The following SUFU variants were observed in gnomAD, a reference collection of about 807,000 sequenced individuals.
SUFU encodes the protein suppressor of fused homolog.
Under a neutral mutation model 58.9 loss-of-function variants are expected in SUFU, and 7 were observed. The observed-to-expected ratio is 0.12, with a 90% CI of 0.07 to 0.22. The LOEUF (loss-of-function observed/expected upper bound fraction) is 0.22. Among genes scored for constraint, SUFU ranks in the 10% least tolerant of loss-of-function variants. SUFU has a pLI of 1.00. For missense variants in SUFU, 451 were observed against 641.3 expected, an observed-to-expected ratio of 0.70 and a Z score of 3.20; for synonymous variants, 232 against 254.8, an observed-to-expected ratio of 0.91 and a Z score of 0.85.
In SUFU at chr10:102,568,897, A is replaced by AATAT. The variant is rs1208688793; in HGVS notation, c.454+18811_454+18814dup. On this transcript the variant is annotated intron_variant, in intron 3 of 11. Coordinates refer to ENST00000369902, the MANE Select transcript of SUFU (RefSeq NM_016169.4). ...CTCAAAAAAAAAAAAAAAAAAAAAAAATATATATATATATATATATATACA... is the reference window on the plus strand; with the variant it reads ...CTCAAAAAAAAAAAAAAAAAAAAAAAATATATATATATATATATATATATATACA... 7.6e-4 allele frequency among the ~76,000 whole-genome samples: 13 copies of AATAT among 17,036 alleles called. 1 individual carries two copies. Among genetic ancestry groups the AATAT allele is most frequent in the African/African-American group, 3.9e-3 (11 of 2,806 alleles). 11.2% of individuals were successfully genotyped at this position (17,036 alleles called of 152,430 possible). A position where few individuals can be genotyped will look rare whatever the true frequency, so the allele number is the denominator to read the frequency against.
At position 102,627,155 on chromosome 10, in the gene SUFU, C is replaced by T. The variant is rs762353424; in HGVS notation, c.1297-20C>T. The T allele has an allele frequency of 6.2e-7, 1 of 1,613,730 alleles. No individual in the cohort carries two copies. The highest frequency in any genetic ancestry group is 1.1e-5 in the South Asian group (1 of 91,072). On this transcript the variant is annotated intron_variant, in intron 10 of 11. Coordinates refer to ENST00000369902, the MANE Select transcript of SUFU (RefSeq NM_016169.4). ...ATACATTTAAAAATAATAATAAAAGCCTGCCTTGTGCCTTCACAGATTCTG... is the reference window on the plus strand; with the variant it reads ...ATACATTTAAAAATAATAATAAAAGTCTGCCTTGTGCCTTCACAGATTCTG...
At chr10:102,593,600 A>G in intron 4 of SUFU, 36 bp from the exon 5 acceptor site, 1 of 1,611,366 alleles carries the variant, frequency 6.2e-7, no homozygotes, top group African/African-American at 1.3e-5. Flanking sequence ...GGGGGTGGCC[A>G]TTAACACACA....
chr10:102,527,625 A>C (rs945161014), intron 2 of SUFU, among the ~76,000 whole-genome samples: 1 of 152,090 alleles, frequency 6.6e-6, no homozygotes, highest in Non-Finnish European at 1.5e-5. Context: ...ATCTTGTTGA[A>C]TGTCTCGGCT....
chr10:102,515,781 G>C (rs1007001920), intron 2 of SUFU, among the ~76,000 whole-genome samples: 2 of 152,142 alleles, frequency 1.3e-5, no homozygotes, highest in Admixed American at 6.5e-5. Context: ...CCCACCCCTG[G>C]CTAAGTTTAG....
chr10:102,537,167 C>G (rs1300466344), intron 2 of SUFU, among the ~76,000 whole-genome samples: 7 of 122,898 alleles, frequency 5.7e-5, no homozygotes, highest in Non-Finnish European at 9.7e-5. Flanking sequence ...AGGTCTTGCT[C>G]TGTCACTCAG....
At chr10:102,561,294 A>G (rs1040070448) in intron 3 of SUFU, among the ~76,000 whole-genome samples, 2 of 152,224 alleles carry the variant, frequency 1.3e-5, no homozygotes, top group East Asian at 1.9e-4. Context: ...AAATAATACT[A>G]TTGGGGCCAT....
intron 2 of SUFU, among the ~76,000 whole-genome samples, chr10:102,532,279 A>T (rs1023994226): frequency 1.3e-5 from 2 of 152,116 alleles, no homozygotes; most frequent in East Asian, 3.8e-4. Flanking sequence ...TAGAACTTTC[A>T]CTGGCTTAAC....
At position 102,629,991 on chromosome 10, in the gene SUFU, G is replaced by A; in HGVS notation, c.1366-75G>A. Reference sequence around the variant, plus strand: ...TCCCTAGCTCCCCGGGGACAGGCCTGGGCAATCTCTGGAAAGACCACGGTG... The same window carrying A: ...TCCCTAGCTCCCCGGGGACAGGCCTAGGCAATCTCTGGAAAGACCACGGTG... On this transcript the variant is annotated intron_variant, in intron 11 of 11. Transcript: ENST00000369902. This position sits in a 1 kb window ranked among gnomAD's most constrained non-coding sequence, Gnocchi z 4.7. 7.2e-7 allele frequency: 1 copy of A among 1,383,478 alleles called. No homozygotes were observed. Among genetic ancestry groups the A allele is most frequent in the Non-Finnish European group, 1.0e-6 (1 of 969,820 alleles). 85.7% of individuals were successfully genotyped at this position (1,383,478 alleles called of 1,614,324 possible).
At chr10:102,513,463 T>C (rs1408648005) in intron 2 of SUFU, among the ~76,000 whole-genome samples, 1 of 152,256 alleles carries the variant, frequency 6.6e-6, no homozygotes, top group African/African-American at 2.4e-5. Context: ...AACATCGTAA[T>C]AGATGTCTTG....
chr10:102,623,426 C>G (rs2063759309), intron 10 of SUFU, among the ~76,000 whole-genome samples: 1 of 152,228 alleles, frequency 6.6e-6, no homozygotes, highest in Admixed American at 6.5e-5. Context: ...GCTTCTAGCC[C>G]TCTTAAGTTG....
chr10:102,612,833 C>G (rs1368653614), intron 8 of SUFU, among the ~76,000 whole-genome samples: 1 of 152,180 alleles, frequency 6.6e-6, no homozygotes, highest in African/African-American at 2.4e-5. Flanking sequence ...CCTCAGTTAC[C>G]TCCTCTGTGA....
intron 3 of SUFU, among the ~76,000 whole-genome samples, chr10:102,591,863 C>T (rs2063406410): frequency 6.6e-6 from 1 of 152,154 alleles, no homozygotes. Flanking sequence ...AAGTAACGTA[C>T]CTGCTTGAAG....
At chr10:102,535,484 C>CAAAA (rs11389840) in intron 2 of SUFU, among the ~76,000 whole-genome samples, 2 of 113,720 alleles carry the variant, frequency 1.8e-5, no homozygotes, top group Non-Finnish European at 3.7e-5. Context: ...GACTCCGTCT[C>CAAAA]AAAAAAAAAA....
At chr10:102,608,294 G>A (rs2063583632) in intron 8 of SUFU, among the ~76,000 whole-genome samples, 1 of 152,158 alleles carries the variant, frequency 6.6e-6, no homozygotes, top group South Asian at 2.1e-4. Context: ...TCTCCGAGGA[G>A]GGGAGCATGG....
intron 3 of SUFU, among the ~76,000 whole-genome samples, chr10:102,578,124 G>A (rs1286027769): frequency 6.8e-6 from 1 of 147,632 alleles, no homozygotes; most frequent in Admixed American, 6.8e-5. Context: ...TGGCTAACAT[G>A]GTGAAACCCC....
chr10:102,551,579 T>C lies in SUFU; in HGVS notation c.454+1473T>C, dbSNP rs534633207. Among the ~76,000 whole-genome samples the C allele has an allele frequency of 2.0e-5, 3 of 150,724 alleles. No individual in the cohort carries two copies. In the South Asian group the frequency reaches 6.3e-4, roughly 32 times the overall value. On this transcript the variant is annotated intron_variant, in intron 3 of 11. Coordinates refer to ENST00000369902, the MANE Select transcript of SUFU (RefSeq NM_016169.4). ...CTTGAACGCGGGAGGCAGATGTTAC[T>C]GTGAGCCAAGATCGCACCACTGTAC...
At position 102,615,250 on chromosome 10, in the gene SUFU, C is replaced by T. The variant is rs892399500; in HGVS notation, c.1023-18C>T. The T allele has an allele frequency of 1.2e-6, 2 of 1,614,172 alleles. No homozygotes were observed. The highest frequency in any genetic ancestry group is 2.2e-5 in the South Asian group (2 of 91,076). ...CTTTTCACCTTGTGCCGAACCTTTT[C>T]CTGTGCTTGCTTCACAGGAGCCGCA... On this transcript the variant is annotated intron_variant, in intron 8 of 11. Transcript: ENST00000369902.
chr10:102,557,700 G>C (rs1263662938), intron 3 of SUFU, among the ~76,000 whole-genome samples: 1 of 152,122 alleles, frequency 6.6e-6, no homozygotes, highest in African/African-American at 2.4e-5. Context: ...GGTGTGGCTT[G>C]ATCTGTATGT....
chr10:102,542,417 C>A (rs1269355582), intron 2 of SUFU, among the ~76,000 whole-genome samples: 1 of 147,956 alleles, frequency 6.8e-6, no homozygotes, highest in African/African-American at 2.5e-5. Context: ...AGATGTGAGC[C>A]ACTGCGCCCG....
Sources: gnomAD v4.1 joint callset for allele counts (sites outside exome capture counted in the v4.1 genomes callset) on GRCh38, gnomAD v4.1.1 for gene constraint, Gnocchi (gnomAD v3.1) non-coding constraint, MANE v1.5 for transcripts, NCBI Gene and HGNC (gene_info 2026-07-23, HGNC 2026-07-21) for gene names.